The following HELZ variants were observed in gnomAD, a reference collection of about 807,000 sequenced individuals.
The protein encoded by HELZ is helicase with zinc finger.
Under a neutral mutation model 218.2 loss-of-function variants are expected in HELZ, and 23 were observed. The observed-to-expected ratio is 0.11, with a 90% CI of 0.08 to 0.15. The LOEUF (loss-of-function observed/expected upper bound fraction) is 0.15. HELZ is among the 10% of genes least tolerant of loss of function. The pLI is 1.00. For synonymous variants in HELZ, 814 were observed against 829.4 expected, an observed-to-expected ratio of 0.98 and a Z score of 0.32; for missense variants, 1,813 against 2,353.7, an observed-to-expected ratio of 0.77 and a Z score of 4.75.
chr17:67,135,618 G>A (rs1286590170), intron 23 of HELZ, among the ~76,000 whole-genome samples: 2 of 151,992 alleles, frequency 1.3e-5, no homozygotes, highest in Admixed American at 6.5e-5. Flanking sequence ...TTTAGTTTAC[G>A]GTAATCTTCC....
intron 8 of HELZ, 51 bp from the exon 9 acceptor site, chr17:67,194,093 C>T (rs1371019414): frequency 7.7e-7 from 1 of 1,296,970 alleles, no homozygotes; most frequent in Non-Finnish European, 1.1e-6. Flanking sequence ...GCCAGTAATT[C>T]TGATATTTTA....
chr17:67,185,382 T>C (rs1169122711), intron 12 of HELZ, among the ~76,000 whole-genome samples: 6 of 152,234 alleles, frequency 3.9e-5, no homozygotes, highest in Admixed American at 3.9e-4. Flanking sequence ...TCTGCTTTTA[T>C]TTCTTTACAA....
chr17:67,193,728 T>A (rs1387656801), intron 9 of HELZ, among the ~76,000 whole-genome samples: 1 of 151,868 alleles, frequency 6.6e-6, no homozygotes, highest in Non-Finnish European at 1.5e-5. Context: ...AAAAAATAAA[T>A]AGATAAAAAA....
At chr17:67,129,668 T>C (rs900174363) in intron 23 of HELZ, among the ~76,000 whole-genome samples, 3 of 152,196 alleles carry the variant, frequency 2.0e-5, no homozygotes, top group Non-Finnish European at 2.9e-5. Flanking sequence ...GGAATGCTAA[T>C]TTTAATGTTG....
At chr17:67,230,325 C>T (rs1308190438) in intron 3 of HELZ, among the ~76,000 whole-genome samples, 1 of 152,114 alleles carries the variant, frequency 6.6e-6, no homozygotes, top group African/African-American at 2.4e-5. Context: ...AGGCTGGGCA[C>T]AGTGGCTCAT....
chr17:67,097,739 C>T, intron 31 of HELZ, among the ~76,000 whole-genome samples: 1 of 151,946 alleles, frequency 6.6e-6, no homozygotes, highest in East Asian at 1.9e-4. Context: ...AGCACAACAG[C>T]TCTTACAATG....
chr17:67,181,428 G>A (rs2039609476), intron 12 of HELZ, among the ~76,000 whole-genome samples: 1 of 152,080 alleles, frequency 6.6e-6, no homozygotes. Context: ...ATGAGCAATA[G>A]CAGTATTTGT....
intron 21 of HELZ, among the ~76,000 whole-genome samples, chr17:67,145,342 T>C (rs1226304988): frequency 6.6e-6 from 1 of 152,204 alleles, no homozygotes; most frequent in African/African-American, 2.4e-5. Context: ...GCTGTCTGGG[T>C]CCCTGTGATC....
At chr17:67,137,832 A>AT in intron 22 of HELZ, 99 bp downstream of exon 22, 1 of 886,084 alleles carries the variant, frequency 1.1e-6, no homozygotes. Context: ...AAATGAACAC[A>AT]TAACTTCAGA....
chr17:67,100,847 TC>T (rs1191393244), intron 31 of HELZ, among the ~76,000 whole-genome samples: 2 of 152,054 alleles, frequency 1.3e-5, no homozygotes, highest in Non-Finnish European at 2.9e-5. Flanking sequence ...ACACCTGTAA[TC>T]CCAGCACTTT....
intron 25 of HELZ, 150 bp from the exon 26 acceptor site, chr17:67,123,310 A>T: frequency 2.1e-6 from 1 of 473,200 alleles, no homozygotes; most frequent in Non-Finnish European, 3.5e-6. Flanking sequence ...AAAGTAAAGC[A>T]TATTACAAAA....
rs1323924370 is a variant in HELZ, at chr17:67,075,423, A to G, written c.*2829T>C. The stretch of plus-strand genomic sequence containing the variant: ...AGAGCTATCATCAAGTTTTCTGGAA[A>G]AAAATTTTATATACATATACTATAC... On this transcript the variant is annotated 3_prime_UTR_variant, in exon 33 of 33. Transcript: ENST00000358691. 6.6e-6 allele frequency: 1 copy of G among 152,142 alleles called. No individual in the cohort carries two copies. Among genetic ancestry groups the G allele is most frequent in the Non-Finnish European group, 1.5e-5 (1 of 68,008 alleles). 9.4% of individuals were successfully genotyped at this position (152,142 alleles called of 1,614,324 possible). A position where few individuals can be genotyped will look rare whatever the true frequency, so the allele number is the denominator to read the frequency against.
At chr17:67,245,592 CTGCTCCTGCGGCCGCG>C, upstream of HELZ, 1 of 908,732 alleles carries the variant, frequency 1.1e-6, no homozygotes, top group Non-Finnish European at 1.3e-6. Flanking sequence ...GTGAGCGTTT[CTGCTCCTGCGGCCGCG>C]CTTCCAGGAA....
intron 5 of HELZ, among the ~76,000 whole-genome samples, chr17:67,204,310 T>C (rs1254813855): frequency 2.6e-5 from 4 of 152,230 alleles, no homozygotes; most frequent in Non-Finnish European, 5.9e-5. Context: ...ACAAACATTA[T>C]AAAACTAATA....
intron 31 of HELZ, among the ~76,000 whole-genome samples, chr17:67,106,244 G>A (rs2037095258): frequency 6.7e-6 from 1 of 149,606 alleles, no homozygotes; most frequent in Non-Finnish European, 1.5e-5. Context: ...GAATTACTAA[G>A]TTTTTCATAG....
intron 5 of HELZ, among the ~76,000 whole-genome samples, chr17:67,209,854 C>T (rs1245797814): frequency 4.6e-5 from 7 of 152,162 alleles, no homozygotes; most frequent in Non-Finnish European, 7.4e-5. Context: ...TAAATAAATA[C>T]TGTTAACTCA....
At chr17:67,244,113 CAT>C in intron 1 of HELZ, 2 of 491,534 alleles carry the variant, frequency 4.1e-6, no homozygotes, top group Middle Eastern at 1.0e-3. Context: ...CTTTCAAAAA[CAT>C]AAAGAAATGA....
chr17:67,132,189 C>T (rs2038006469), intron 23 of HELZ, among the ~76,000 whole-genome samples: 1 of 151,562 alleles, frequency 6.6e-6, no homozygotes, highest in Non-Finnish European at 1.5e-5. Context: ...TGATAAAACA[C>T]TAAAAAATCA....
chr17:67,194,368 C>T (rs1311532918), intron 8 of HELZ, among the ~76,000 whole-genome samples: 2 of 152,058 alleles, frequency 1.3e-5, no homozygotes, highest in Non-Finnish European at 2.9e-5. Flanking sequence ...ATTTCTTAGG[C>T]ATGGGATGTT....
Sources: gnomAD v4.1 joint callset for allele counts (sites outside exome capture counted in the v4.1 genomes callset) on GRCh38, gnomAD v4.1.1 for gene constraint, MANE v1.5 for transcripts, NCBI Gene and HGNC (gene_info 2026-07-23, HGNC 2026-07-21) for gene names.